The following TRIM62 variants were observed in gnomAD, a reference collection of about 807,000 sequenced individuals.
TRIM62 encodes the protein tripartite motif containing 62.
Under a neutral mutation model 44.2 loss-of-function variants are expected in TRIM62, and 39 were observed. The ratio of observed to expected loss-of-function variants is 0.88; its 90% CI spans 0.68 to 1.15. The LOEUF (loss-of-function observed/expected upper bound fraction) is 1.15. Among genes scored for constraint, TRIM62 ranks in the 50% most tolerant of loss-of-function variants. The pLI is 0.00. For missense variants in TRIM62, 544 were observed against 665.5 expected (o/e 0.82, Z 2.01); for synonymous variants, 278 against 292.3 (o/e 0.95, Z 0.50).
intron 2 of TRIM62, among the ~76,000 whole-genome samples, chr1:33,160,438 C>T (rs1645249545): frequency 6.6e-6 from 1 of 151,892 alleles, no homozygotes; most frequent in East Asian, 1.9e-4. Flanking sequence ...GAGTTTTGCT[C>T]CTGTCACCCA....
intron 4 of TRIM62, among the ~76,000 whole-genome samples, chr1:33,152,503 G>T (rs1645113778): frequency 6.6e-6 from 1 of 151,186 alleles, no homozygotes; most frequent in African/African-American, 2.4e-5. Context: ...GGAGGCGGAG[G>T]TTGTGGTGAG....
In TRIM62 at chr1:33,145,757, A is replaced by T. The variant is rs942252293; in HGVS notation, c.*1420T>A. ...GGCAGGGATAGAGCCAAGGGGCAGG[A>T]CAACCCTAGATGTGGACTCCACCCT... On this transcript the variant is annotated 3_prime_UTR_variant, in exon 5 of 5. Coordinates refer to ENST00000291416, the MANE Select transcript of TRIM62 (RefSeq NM_018207.3). 2.4e-6 allele frequency: 1 copy of T among 423,266 alleles called. No individual in the cohort carries two copies. The highest frequency in any genetic ancestry group is 2.0e-5 in the African/African-American group (1 of 48,852). 26.2% of individuals were successfully genotyped at this position (423,266 alleles called of 1,614,324 possible). A position where few individuals can be genotyped will look rare whatever the true frequency, so the allele number is the denominator to read the frequency against.
At chr1:33,152,334 G>C (rs529444345) in intron 4 of TRIM62, among the ~76,000 whole-genome samples, 1 of 152,320 alleles carries the variant, frequency 6.6e-6, no homozygotes, top group Non-Finnish European at 1.5e-5. Context: ...GGGAGGCCGA[G>C]GCAGGCGGAT....
At chr1:33,156,874 T>C (rs1645185213) in intron 4 of TRIM62, among the ~76,000 whole-genome samples, 1 of 152,144 alleles carries the variant, frequency 6.6e-6, no homozygotes, top group Admixed American at 6.6e-5. Flanking sequence ...GATTTGCTAA[T>C]CCGCTAGCAA....
chr1:33,176,302 C>G (rs989560974), intron 1 of TRIM62: 1 of 586,596 alleles, frequency 1.7e-6, no homozygotes, highest in Non-Finnish European at 3.2e-6. Context: ...GAGGGTGTCA[C>G]CCCCTCTCCT....
intron 1 of TRIM62, among the ~76,000 whole-genome samples, chr1:33,170,486 GACACGGCC>G (rs1479896956): frequency 1.3e-5 from 2 of 152,042 alleles, no homozygotes; most frequent in African/African-American, 4.8e-5. Context: ...CAGTACCTAG[GACACGGCC>G]ACACACCCCT....
At chr1:33,152,085 G>A (rs1557750532) in intron 4 of TRIM62, among the ~76,000 whole-genome samples, 1 of 152,234 alleles carries the variant, frequency 6.6e-6, no homozygotes, top group African/African-American at 2.4e-5. Flanking sequence ...GGAGCACCAC[G>A]ACAGACCCAG....
intron 4 of TRIM62, 26 bp downstream of exon 4, chr1:33,158,227 C>G: frequency 2.5e-6 from 4 of 1,603,610 alleles, no homozygotes; most frequent in Non-Finnish European, 3.4e-6. Flanking sequence ...CCACCTAGCT[C>G]TGGACCATGA....
At chr1:33,176,033 G>A (rs1219766170) in intron 1 of TRIM62, among the ~76,000 whole-genome samples, 3 of 152,126 alleles carry the variant, frequency 2.0e-5, no homozygotes, top group Admixed American at 1.3e-4. Flanking sequence ...AGATGCCAGC[G>A]GCCAGCTCTG....
Position 33,181,592 on chromosome 1 carries a change from G to A in TRIM62, c.-160C>T. On this transcript the variant is annotated 5_prime_UTR_variant, in exon 1 of 5. Transcript: ENST00000291416. The surrounding 1 kb of genome is among the most constrained non-coding windows in gnomAD (Gnocchi z 6.5). ...AGGGAGGGGGTGCTGTCCGGAAGGA[G>A]GGTAACGCGAGGAAGGGGTGCGCGG... 6.0e-6 allele frequency: 8 copies of A among 1,330,440 alleles called. No homozygotes were observed. The highest frequency in any genetic ancestry group is 2.8e-5 in the East Asian group (1 of 35,560). The allele number at this position is 1,330,440 out of a possible 1,614,324, so 82.4% of individuals were successfully genotyped here.
chr1:33,148,538 G>A (rs1423234620), intron 4 of TRIM62, among the ~76,000 whole-genome samples: 1 of 152,156 alleles, frequency 6.6e-6, no homozygotes, highest in Non-Finnish European at 1.5e-5. Context: ...TTTTACCTAT[G>A]ACGAGAGGAC....
At position 33,174,974 on chromosome 1, in the gene TRIM62, C is replaced by T. The variant is rs56162612; in HGVS notation, c.408+6051G>A. Among the ~76,000 whole-genome samples, 992 of 128,758 alleles carry T rather than the reference C, an allele frequency of 7.7e-3. 6 individuals are homozygous for T. Among genetic ancestry groups the T allele is most frequent in the Non-Finnish European group, 0.011 (684 of 61,558 alleles). The allele number at this position is 128,758 out of a possible 152,430, so 84.5% of individuals were successfully genotyped here. ...ATATATATATATATATATATACACA[C>T]ATATACATATATATGCACACACACA... On this transcript the variant is annotated intron_variant, in intron 1 of 4. Coordinates refer to ENST00000291416, the MANE Select transcript of TRIM62 (RefSeq NM_018207.3).
chr1:33,177,369 C>G lies in TRIM62; in HGVS notation c.408+3656G>C, dbSNP rs1196144527. The stretch of plus-strand genomic sequence containing the variant: ...AAGGATCCCTAACCCTTACAACATC[C>G]TTCCCAGGAACATCATATCCTCTTG... On this transcript the variant is annotated intron_variant, in intron 1 of 4. Transcript: ENST00000291416. This position sits in a 1 kb window ranked among gnomAD's most constrained non-coding sequence, Gnocchi z 4.1. Among the ~76,000 whole-genome samples, 1 of 152,134 alleles carries G rather than the reference C, an allele frequency of 6.6e-6. No homozygotes were observed. The highest frequency in any genetic ancestry group is 1.5e-5 in the Non-Finnish European group (1 of 68,016).
chr1:33,152,356 C>T (rs1239210428), intron 4 of TRIM62, among the ~76,000 whole-genome samples: 2 of 152,046 alleles, frequency 1.3e-5, no homozygotes, highest in Middle Eastern at 3.2e-3. Context: ...ACCTGAGGTC[C>T]GGAGTTCGAG....
chr1:33,177,073 ACACACATGCATGCACAAATG>A lies in TRIM62; in HGVS notation c.408+3932_408+3951del, dbSNP rs1315685296. 2.4e-4 allele frequency among the ~76,000 whole-genome samples: 35 copies of A among 147,912 alleles called. No homozygotes were observed. The highest frequency in any genetic ancestry group is 8.3e-4 in the African/African-American group (34 of 41,090). ...CACGCACACACACACACATGCACAC[ACACACATGCATGCACAAATG>A]CACACACATGCACACACACATGCAT... On this transcript the variant is annotated intron_variant, in intron 1 of 4. Transcript: ENST00000291416. The surrounding 1 kb of genome is among the most constrained non-coding windows in gnomAD (Gnocchi z 4.1).
At position 33,147,571 on chromosome 1, in the gene TRIM62, G is replaced by T; in HGVS notation, c.1034C>A (p.Ala345Asp). The change falls in exon 5 of 5, where the codon GCC becomes GAC. Residue 345 changes from alanine (A) to aspartate (D), a missense_variant. Ala to Asp is a moderately radical substitution (Grantham distance 126, BLOSUM62 -2). Coordinates refer to ENST00000291416, the MANE Select transcript of TRIM62 (RefSeq NM_018207.3). The surrounding 1 kb of genome is among the most constrained non-coding windows in gnomAD (Gnocchi z 8.1). ...CCAGTAGTGGACGCCACTACTGAAG[G>T]CTTCAGAACCCAGCACCGACACCTC... ...DVEVSVLGSE[A>D]FSSGVHYWEV... 1 of 1,613,986 alleles carries T rather than the reference G, an allele frequency of 6.2e-7. No homozygotes were observed. Among genetic ancestry groups the T allele is most frequent in the Non-Finnish European group, 8.5e-7 (1 of 1,180,000 alleles).
chr1:33,148,204 A>G (rs1557748171), intron 4 of TRIM62, among the ~76,000 whole-genome samples: 1 of 152,190 alleles, frequency 6.6e-6, no homozygotes, highest in Non-Finnish European at 1.5e-5. Flanking sequence ...AGTTCTGCAA[A>G]GGGAAGTTCT....
intron 1 of TRIM62, among the ~76,000 whole-genome samples, chr1:33,179,407 A>C (rs1222678193): frequency 6.6e-6 from 1 of 152,184 alleles, no homozygotes; most frequent in African/African-American, 2.4e-5. Flanking sequence ...GTGCAGGCCT[A>C]CTCAAAGACT....
At chr1:33,176,131 C>A (rs889545637) in intron 1 of TRIM62, among the ~76,000 whole-genome samples, 1 of 152,214 alleles carries the variant, frequency 6.6e-6, no homozygotes, top group African/African-American at 2.4e-5. Flanking sequence ...ACAGCAGAGC[C>A]ACTTCCCCAC....
Sources: allele counts gnomAD v4.1 joint callset (sites outside exome capture counted in the v4.1 genomes callset), GRCh38; gene constraint gnomAD v4.1.1; non-coding constraint Gnocchi (gnomAD v3.1); transcripts MANE v1.5; gene names NCBI Gene and HGNC (gene_info 2026-07-23, HGNC 2026-07-21).